The following PARPBP variants were observed in gnomAD, a reference collection of about 807,000 sequenced individuals.
PARPBP encodes the protein PARP1 binding protein.
In PARPBP, 52 loss-of-function variants were observed where a neutral mutation model predicts 50.0. The observed-to-expected ratio is 1.04, with a 90% CI of 0.83 to 1.31. PARPBP has a LOEUF of 1.31. Ranked by LOEUF, PARPBP falls within the 50% of genes most tolerant of loss-of-function variation. PARPBP has a pLI of 0.00. For missense variants in PARPBP, 697 were observed against 672.0 expected (o/e 1.04, Z -0.41); for synonymous variants, 244 against 232.1 (o/e 1.05, Z -0.47).
intron 2 of PARPBP, among the ~76,000 whole-genome samples, chr12:102,147,705 T>G (rs943511681): frequency 2.6e-5 from 4 of 151,772 alleles, no homozygotes; most frequent in Admixed American, 1.3e-4. Flanking sequence ...CCCTAAAACT[T>G]AAAGTATAAT....
At chr12:102,126,757 C>G (rs547081407) in intron 2 of PARPBP, among the ~76,000 whole-genome samples, 1 of 152,300 alleles carries the variant, frequency 6.6e-6, no homozygotes, top group East Asian at 1.9e-4. Context: ...GTCTGGCCGA[C>G]AGAGCGAGAC....
At chr12:102,171,786 G>A (rs879868366) in intron 6 of PARPBP, among the ~76,000 whole-genome samples, 2 of 151,614 alleles carry the variant, frequency 1.3e-5, no homozygotes, top group Non-Finnish European at 2.9e-5. Context: ...GGAGAATGGC[G>A]TGAACCCGGG....
chr12:102,182,543 A>T lies in PARPBP; in HGVS notation c.1185-6A>T. ...TAAATTTTTGCCTTTTTTTTTTTTG[A>T]CATAGGTCTCCCACACAGGTGAATA... On this transcript the variant is annotated splice_region_variant and splice_polypyrimidine_tract_variant and intron_variant, in intron 8 of 10. Coordinates refer to ENST00000327680, the MANE Select transcript of PARPBP (RefSeq NM_017915.5). The T allele has an allele frequency of 6.4e-7, 1 of 1,556,196 alleles. No homozygotes were observed. The highest frequency in any genetic ancestry group is 1.2e-5 in the South Asian group (1 of 86,264).
intron 2 of PARPBP, among the ~76,000 whole-genome samples, chr12:102,128,422 G>A (rs758948923): frequency 3.9e-5 from 6 of 152,038 alleles, no homozygotes; most frequent in African/African-American, 1.2e-4. Flanking sequence ...TAGTAAAGAC[G>A]GGGTTTCACC....
chr12:102,195,023 C>T (rs1891146205), intron 9 of PARPBP, among the ~76,000 whole-genome samples: 1 of 151,164 alleles, frequency 6.6e-6, no homozygotes, highest in Non-Finnish European at 1.5e-5. Flanking sequence ...GAACATGTAA[C>T]AAAGCCCTGC....
In PARPBP at chr12:102,197,154, A is replaced by G; in HGVS notation, c.*863A>G. 6.2e-7 allele frequency: 1 copy of G among 1,611,764 alleles called. No homozygotes were observed. The highest frequency in any genetic ancestry group is 2.2e-5 in the East Asian group (1 of 44,788). On this transcript the variant is annotated 3_prime_UTR_variant, in exon 11 of 11. Transcript: ENST00000327680. ...GTGGCAGACCATGATTTAAGAAATT[A>G]TGTTTGGAGCCTGTGTTCTGTAAAG...
chr12:102,160,368 A>G (rs1353037471), intron 4 of PARPBP, among the ~76,000 whole-genome samples: 2 of 152,216 alleles, frequency 1.3e-5, no homozygotes, highest in East Asian at 1.9e-4. Context: ...AGGATCAGGT[A>G]TATACATATT....
chr12:102,144,346 T>G (rs763294050), intron 2 of PARPBP, among the ~76,000 whole-genome samples: 3 of 152,248 alleles, frequency 2.0e-5, no homozygotes, highest in Non-Finnish European at 4.4e-5. Context: ...CATCAGAGAA[T>G]TAAAGTGGTG....
At chr12:102,176,096 C>T (rs1362575137) in intron 7 of PARPBP, among the ~76,000 whole-genome samples, 1 of 151,994 alleles carries the variant, frequency 6.6e-6, no homozygotes, top group Non-Finnish European at 1.5e-5. Context: ...AATTCTCCTG[C>T]CTCAGCCTCC....
At chr12:102,190,971 A>G (rs945667290) in intron 9 of PARPBP, among the ~76,000 whole-genome samples, 5 of 152,158 alleles carry the variant, frequency 3.3e-5, no homozygotes, top group African/African-American at 1.2e-4. Flanking sequence ...GGACTGAGCA[A>G]CATTTTCCGT....
Position 102,196,610 on chromosome 12 carries a change from G to T in PARPBP, c.*319G>T. On this transcript the variant is annotated 3_prime_UTR_variant, in exon 11 of 11. Coordinates refer to ENST00000327680, the MANE Select transcript of PARPBP (RefSeq NM_017915.5). Reference sequence around the variant, plus strand: ...CTTCTCCTCCCATTGGCAATTAAATGCTTTTATTTTCTTCTGAAAAGATGA... The same window carrying T: ...CTTCTCCTCCCATTGGCAATTAAATTCTTTTATTTTCTTCTGAAAAGATGA... 6.9e-7 allele frequency: 1 copy of T among 1,452,764 alleles called. No homozygotes were observed. The highest frequency in any genetic ancestry group is 9.7e-7 in the Non-Finnish European group (1 of 1,033,970). 90.0% of individuals were successfully genotyped at this position (1,452,764 alleles called of 1,614,324 possible).
At chr12:102,193,879 A>G (rs1891026297) in intron 9 of PARPBP, among the ~76,000 whole-genome samples, 1 of 152,044 alleles carries the variant, frequency 6.6e-6, no homozygotes, top group Non-Finnish European at 1.5e-5. Context: ...ACTTTTAAAA[A>G]AATAGTTTTT....
chr12:102,148,251 T>A lies in PARPBP; in HGVS notation c.175T>A (p.Ser59Thr). 1 of 1,573,914 alleles carries A rather than the reference T, an allele frequency of 6.4e-7. No homozygotes were observed. The highest frequency in any genetic ancestry group is 1.1e-5 in the South Asian group (1 of 88,652). The change falls in exon 3 of 11, where the codon TCT (serine) becomes ACT (threonine). Residue 59 changes from serine to threonine, a missense_variant. Transcript: ENST00000327680. Reference sequence around the variant, plus strand: ...TCAGCACAGTGGAGAATTTACAGTCTCTCTCAGTGATGTTTTATTGACATG... The same window carrying A: ...TCAGCACAGTGGAGAATTTACAGTCACTCTCAGTGATGTTTTATTGACATG... ...NKQHSGEFTV[S>T]LSDVLLTWKY...
rs890619247 is a variant in PARPBP, at chr12:102,196,098, A to G, written c.1547A>G (p.Asp516Gly). 4 of 1,611,940 alleles carry G rather than the reference A, an allele frequency of 2.5e-6. No individual in the cohort carries two copies. The highest frequency in any genetic ancestry group is 3.4e-6 in the Non-Finnish European group (4 of 1,178,686). Residue 516 changes from aspartate to glycine, a missense_variant, in exon 11 of 11, where the codon GAT becomes GGT. By Grantham distance (94) the Asp-to-Gly change is moderately conservative. Transcript: ENST00000327680. ...KSSKRKQVDL[D>G]GENILCDNRN... is the part of the protein sequence containing the mutation. ...TCAAAAAGGAAACAGGTGGATTTGG[A>G]TGGTGAAAATATTCTCTGTGATAAT...
At chr12:102,180,254 C>T (rs1003068135) in intron 8 of PARPBP, among the ~76,000 whole-genome samples, 1 of 152,094 alleles carries the variant, frequency 6.6e-6, no homozygotes, top group African/African-American at 2.4e-5. Flanking sequence ...TTTATTTTTT[C>T]TCTTTTCATC....
chr12:102,137,462 A>G (rs946190739), intron 2 of PARPBP, among the ~76,000 whole-genome samples: 2 of 152,024 alleles, frequency 1.3e-5, no homozygotes, highest in African/African-American at 4.8e-5. Context: ...TGAGGGGGAA[A>G]ATTTTTTAGC....
rs377429126 is a variant in PARPBP, at chr12:102,144,530, G to A, written c.154-3700G>A. 1.1e-4 allele frequency among the ~76,000 whole-genome samples: 17 copies of A among 152,182 alleles called. 1 individual carries two copies. The highest frequency in any genetic ancestry group is 2.0e-4 in the Admixed American group (3 of 15,286). ...GATATCTGGAGTGCATTTTTATTTG[G>A]ATTTAAAATGTTTTTACAATCCCAG... On this transcript the variant is annotated intron_variant, in intron 2 of 10. Transcript: ENST00000327680.
At chr12:102,173,350 T>C (rs1046445779) in intron 6 of PARPBP, among the ~76,000 whole-genome samples, 1 of 152,234 alleles carries the variant, frequency 6.6e-6, no homozygotes, top group Non-Finnish European at 1.5e-5. Flanking sequence ...GTTCCTGCTG[T>C]CATCAGTTCT....
In PARPBP at chr12:102,164,540, G is replaced by A; in HGVS notation, c.598G>A (p.Gly200Arg). ...TTATATTCTCAATATTCCTGATAGA[G>A]GACTAGGAAGAGAAGCCTTCACTGA... ...VAYILNIPDR[G>R]LGREAFTDLK... Residue 200 changes from glycine (G) to arginine (R), a missense_variant, in exon 5 of 11, where the codon GGA becomes AGA. By Grantham distance (125) the Gly-to-Arg change is moderately radical. Coordinates refer to ENST00000327680, the MANE Select transcript of PARPBP (RefSeq NM_017915.5). 4 of 1,612,562 alleles carry A rather than the reference G, an allele frequency of 2.5e-6. No homozygotes were observed. Among genetic ancestry groups the A allele is most frequent in the East Asian group, 2.2e-5 (1 of 44,838 alleles).
Sources: allele counts gnomAD v4.1 joint callset (sites outside exome capture counted in the v4.1 genomes callset), GRCh38; gene constraint gnomAD v4.1.1; transcripts MANE v1.5; gene names NCBI Gene and HGNC (gene_info 2026-07-23, HGNC 2026-07-21).